Variants in ANO1 observed in about 807,000 individuals in gnomAD.
The protein encoded by ANO1 is anoctamin-1.
ANO1 carries 59 observed loss-of-function variants against 124.0 expected under a neutral mutation model. The ratio of observed to expected loss-of-function variants is 0.48; its 90% confidence interval spans 0.39 to 0.59. The LOEUF is 0.59. Among genes scored for constraint, ANO1 ranks in the 20% least tolerant of loss-of-function variants. The pLI is 0.00. For missense variants in ANO1, 1,059 were observed against 1,328.0 expected (o/e 0.80, Z 3.15); for synonymous variants, 529 against 532.0 (o/e 0.99, Z 0.08).
intron 1 of ANO1, among the ~76,000 whole-genome samples, chr11:70,052,444 A>ACATACACACAT (rs1370991044): frequency 6.6e-6 from 1 of 150,776 alleles, no homozygotes; most frequent in Admixed American, 6.6e-5. Flanking sequence ...AGACACACAC[A>ACATACACACAT]CATACACACA....
chr11:70,135,876 A>G (rs974381981), intron 11 of ANO1, among the ~76,000 whole-genome samples: 7 of 152,212 alleles, frequency 4.6e-5, no homozygotes, highest in Non-Finnish European at 8.8e-5. Context: ...GGGAGCCCAA[A>G]GCGCTACGTG....
intron 1 of ANO1, among the ~76,000 whole-genome samples, chr11:70,001,873 C>G (rs1856388173): frequency 6.6e-6 from 1 of 152,066 alleles, no homozygotes; most frequent in Non-Finnish European, 1.5e-5. Context: ...AATCTCAGCT[C>G]GCTGCAACCT....
intron 1 of ANO1, among the ~76,000 whole-genome samples, chr11:70,068,282 G>T (rs1283753490): frequency 6.6e-6 from 1 of 152,230 alleles, no homozygotes; most frequent in African/African-American, 2.4e-5. Context: ...GTTGAATCGG[G>T]TAAAAATTGA....
At chr11:69,996,156 A>G (rs1856267797) in intron 1 of ANO1, among the ~76,000 whole-genome samples, 1 of 58 alleles carries the variant, frequency 0.017, no homozygotes, top group Non-Finnish European at 0.024. Context: ...GAGATTTCTT[A>G]ATAGACTATA....
At chr11:70,028,062 G>C (rs1385041954) in intron 1 of ANO1, among the ~76,000 whole-genome samples, 1 of 152,092 alleles carries the variant, frequency 6.6e-6, no homozygotes, top group East Asian at 1.9e-4. Flanking sequence ...TAAAAGTTAA[G>C]GTACTACTGA....
At chr11:70,028,520 T>C (rs999895234) in intron 1 of ANO1, among the ~76,000 whole-genome samples, 6 of 151,506 alleles carry the variant, frequency 4.0e-5, no homozygotes, top group African/African-American at 1.5e-4. Flanking sequence ...AATGACTCAA[T>C]TGATGGTCTC....
intron 1 of ANO1, among the ~76,000 whole-genome samples, chr11:70,003,258 A>T (rs7101663): frequency 6.6e-6 from 1 of 152,054 alleles, no homozygotes; most frequent in Non-Finnish European, 1.5e-5. Context: ...AGCTTTACTC[A>T]TAATCAGAGA....
At chr11:70,016,766 C>A (rs986574585) in intron 1 of ANO1, among the ~76,000 whole-genome samples, 2 of 152,214 alleles carry the variant, frequency 1.3e-5, no homozygotes, top group Non-Finnish European at 2.9e-5. Flanking sequence ...TGGGGCTCAC[C>A]CTTAATCTGG....
At chr11:70,049,485 T>C (rs377739918) in intron 1 of ANO1, among the ~76,000 whole-genome samples, 31 of 152,342 alleles carry the variant, frequency 2.0e-4, no homozygotes, top group African/African-American at 7.2e-4. Flanking sequence ...ATAGCTGGCA[T>C]GGAATAAGTG....
At chr11:70,098,707 G>A (rs988466203) in intron 2 of ANO1, among the ~76,000 whole-genome samples, 3 of 152,160 alleles carry the variant, frequency 2.0e-5, no homozygotes, top group Non-Finnish European at 2.9e-5. Flanking sequence ...TCGAGCCCAC[G>A]CTCCAGCTGC....
intron 1 of ANO1, among the ~76,000 whole-genome samples, chr11:70,086,559 G>A (rs929910917): frequency 6.6e-6 from 1 of 152,230 alleles, no homozygotes; most frequent in Non-Finnish European, 1.5e-5. Flanking sequence ...TGCACCCAAA[G>A]GTGACTGACC....
chr11:70,184,045 A>G (rs1242051980), intron 24 of ANO1, among the ~76,000 whole-genome samples: 3 of 152,194 alleles, frequency 2.0e-5, no homozygotes, highest in Non-Finnish European at 2.9e-5. Context: ...CTGCAAATCC[A>G]GGTGGCCCTT....
chr11:70,015,433 A>G (rs1555001812), intron 1 of ANO1, among the ~76,000 whole-genome samples: 1 of 152,154 alleles, frequency 6.6e-6, no homozygotes, highest in Non-Finnish European at 1.5e-5. Flanking sequence ...GTTCAGCCTC[A>G]TCGCAAGAAG....
chr11:70,119,586 T>G (rs910119895), intron 8 of ANO1, among the ~76,000 whole-genome samples: 8 of 140,876 alleles, frequency 5.7e-5, no homozygotes, highest in Admixed American at 5.0e-4. Flanking sequence ...GGTAGATGGG[T>G]GGCTGATGGA....
rs200695647 is a variant in ANO1 at position 70,088,036 on chromosome 11, C to G, written c.393C>G (p.Tyr131Ter). The G allele has an allele frequency of 6.8e-7, 1 of 1,474,544 alleles. No homozygotes were observed. The highest frequency in any genetic ancestry group is 1.5e-5 in the South Asian group (1 of 68,422). 91.3% of individuals were successfully genotyped at this position (1,474,544 alleles called of 1,614,324 possible). ...ACAAGCGCTTCCGCAGGGAGGAGTA[C>G]GAGGGCAACCTCCTGGAGGCGGGCC... Reference protein sequence around the residue: ...EDDKRFRREEYEGNLLEAGLE... With the variant: ...EDDKRFRREE The change falls in exon 2 of 26, where the codon TAC becomes TAG. Residue 131 changes from tyrosine (Y) to a stop codon, truncating the protein, a stop_gained. Coordinates refer to ENST00000355303, the MANE Select transcript of ANO1 (RefSeq NM_018043.7). LOFTEE classifies it high-confidence loss of function.
chr11:70,066,960 C>G (rs1414494301), intron 1 of ANO1, among the ~76,000 whole-genome samples: 1 of 152,206 alleles, frequency 6.6e-6, no homozygotes, highest in Non-Finnish European at 1.5e-5. Context: ...AAAAAGCAGC[C>G]CCCCAGCGGG....
intron 2 of ANO1, among the ~76,000 whole-genome samples, chr11:70,088,819 G>A (rs1343116113): frequency 2.6e-5 from 4 of 152,220 alleles, no homozygotes; most frequent in Admixed American, 6.5e-5. Context: ...TGTAGAGTGA[G>A]ATGTGGGTCC....
chr11:70,163,190 G>C (rs574237664), intron 18 of ANO1, 93 bp from the exon 19 acceptor site: 2 of 1,347,260 alleles, frequency 1.5e-6, no homozygotes, highest in Non-Finnish European at 2.0e-6. Flanking sequence ...CAGCCTGCAG[G>C]ACTCACACGC....
chr11:70,037,550 G>A (rs1396349235), intron 1 of ANO1, among the ~76,000 whole-genome samples: 1 of 152,060 alleles, frequency 6.6e-6, no homozygotes, highest in East Asian at 1.9e-4. Context: ...AGGTGGCCTA[G>A]TGGGAAAACA....
Sources: gnomAD v4.1 joint callset for allele counts (sites outside exome capture counted in the v4.1 genomes callset) on GRCh38, gnomAD v4.1.1 for gene constraint, MANE v1.5 for transcripts, NCBI Gene and HGNC (gene_info 2026-07-23, HGNC 2026-07-21) for gene names.